The following RHBDL2 variants were observed in gnomAD, a reference collection of about 807,000 sequenced individuals.
The protein encoded by RHBDL2 is rhomboid like 2, also known as rhomboid-related protein 2.
A neutral mutation model predicts 31.7 loss-of-function variants in RHBDL2; 26 were observed. The observed-to-expected ratio is 0.82, with a 90% CI of 0.60 to 1.14. The LOEUF (loss-of-function observed/expected upper bound fraction) is 1.14, where lower values mean the gene tolerates loss of function less well. Among genes scored for constraint, RHBDL2 ranks in the 50% most tolerant of loss-of-function variants. The pLI is 0.00. For missense variants in RHBDL2, 336 were observed against 364.4 expected (o/e 0.92, Z 0.63); for synonymous variants, 123 against 127.2 (o/e 0.97, Z 0.22).
rs549235279 is a variant in RHBDL2, at chr1:38,919,449, T to C, written c.-125-112A>G. The C allele has an allele frequency of 2.4e-5, 25 of 1,024,292 alleles. No individual in the cohort carries two copies. The African/African-American group carries it at 3.9e-4, about 16-fold the overall frequency. 63.5% of individuals were successfully genotyped at this position (1,024,292 alleles called of 1,614,324 possible). ...TTTAAAAAGAGCCAGATGACTGAGATTAAAATGCAGCTCTACCATGTATCA... is the reference window on the plus strand; with the variant it reads ...TTTAAAAAGAGCCAGATGACTGAGACTAAAATGCAGCTCTACCATGTATCA... On this transcript the variant is annotated intron_variant, in intron 1 of 7. Coordinates refer to ENST00000372990, the MANE Select transcript of RHBDL2 (RefSeq NM_017821.5).
At chr1:38,890,702 A>C (rs551705242) in intron 6 of RHBDL2, among the ~76,000 whole-genome samples, 2 of 150,482 alleles carry the variant, frequency 1.3e-5, no homozygotes, top group Admixed American at 6.6e-5. Flanking sequence ...TTGCCTTCAT[A>C]TGGATTTTTT....
chr1:38,939,778 G>T (rs532922388), intron 1 of RHBDL2, among the ~76,000 whole-genome samples: 1 of 152,164 alleles, frequency 6.6e-6, no homozygotes, highest in Non-Finnish European at 1.5e-5. Flanking sequence ...CTGGACTCAA[G>T]CAATTCTCCC....
At chr1:38,904,508 C>G (rs1643036070) in intron 4 of RHBDL2, among the ~76,000 whole-genome samples, 2 of 150,960 alleles carry the variant, frequency 1.3e-5, no homozygotes, top group Admixed American at 6.6e-5. Flanking sequence ...TGATATGACA[C>G]TAAAAGCCAC....
chr1:38,896,244 G>T (rs1251882413), intron 4 of RHBDL2, among the ~76,000 whole-genome samples, 175 bp from the exon 5 acceptor site: 2 of 152,152 alleles, frequency 1.3e-5, no homozygotes, highest in Non-Finnish European at 2.9e-5. Context: ...AACTACCACA[G>T]TGTTTCTGAA....
At chr1:38,888,800 T>C (rs1486084840) in intron 6 of RHBDL2, among the ~76,000 whole-genome samples, 1 of 151,888 alleles carries the variant, frequency 6.6e-6, no homozygotes, top group African/African-American at 2.4e-5. Flanking sequence ...CTTTCTGTTT[T>C]TGTTTTTGTT....
chr1:38,918,957 C>T lies in RHBDL2; in HGVS notation c.246+10G>A, dbSNP rs767932752. ...CACTTACCCCGGTGCCCACCCCGCT[C>T]CCCATTCACCTCGGCCAGGCTGATG... On this transcript the variant is annotated intron_variant, in intron 2 of 7. Coordinates refer to ENST00000372990, the MANE Select transcript of RHBDL2 (RefSeq NM_017821.5). The T allele has an allele frequency of 3.1e-6, 5 of 1,608,596 alleles. No individual in the cohort carries two copies. The highest frequency in any genetic ancestry group is 4.3e-6 in the Non-Finnish European group (5 of 1,175,912).
Position 38,903,693 on chromosome 1 carries a change from A to AT in RHBDL2, c.509-7625dup, listed in dbSNP as rs1011269321. Reference sequence around the variant, plus strand: ...TTCAATGCAATCCAAATCCCAGCAGATTTTTTTTTAGAAACGCACAAACCA... The same window carrying AT: ...TTCAATGCAATCCAAATCCCAGCAGATTTTTTTTTTAGAAACGCACAAACCA... On this transcript the variant is annotated intron_variant, in intron 4 of 7. Coordinates refer to ENST00000372990, the MANE Select transcript of RHBDL2 (RefSeq NM_017821.5). 7.2e-4 allele frequency among the ~76,000 whole-genome samples: 109 copies of AT among 151,528 alleles called. 1 individual carries two copies. The highest frequency in any genetic ancestry group is 6.2e-4 in the South Asian group (3 of 4,816).
chr1:38,914,566 T>C (rs1363064179), intron 3 of RHBDL2, among the ~76,000 whole-genome samples: 1 of 151,974 alleles, frequency 6.6e-6, no homozygotes, highest in African/African-American at 2.4e-5. Context: ...GTTTGATGTA[T>C]GATGGTGGAG....
At chr1:38,889,433 G>A (rs1188168287) in intron 6 of RHBDL2, among the ~76,000 whole-genome samples, 2 of 152,112 alleles carry the variant, frequency 1.3e-5, no homozygotes, top group Admixed American at 6.6e-5. Flanking sequence ...TGCCATATAG[G>A]AAGTAGACTA....
At chr1:38,895,531 C>T (rs1279669365) in intron 5 of RHBDL2, among the ~76,000 whole-genome samples, 3 of 152,084 alleles carry the variant, frequency 2.0e-5, no homozygotes, top group Non-Finnish European at 2.9e-5. Flanking sequence ...AAGCTAGGTG[C>T]GGCAGCTCAC....
At position 38,913,415 on chromosome 1, in the gene RHBDL2, G is replaced by C. The variant is rs1445260932; in HGVS notation, c.396-1981C>G. On this transcript the variant is annotated intron_variant, in intron 3 of 7. Coordinates refer to ENST00000372990, the MANE Select transcript of RHBDL2 (RefSeq NM_017821.5). ...GTTAAATGGAAACTGAGCAGTTGGTGATTTTGCCCCTGATTTGTCAAGCCT... is the reference window on the plus strand; with the variant it reads ...GTTAAATGGAAACTGAGCAGTTGGTCATTTTGCCCCTGATTTGTCAAGCCT... 4 of 152,272 alleles carry C rather than the reference G, an allele frequency of 2.6e-5. No homozygotes were observed. The East Asian group carries it at 7.7e-4, about 29-fold the overall frequency. The allele number at this position is 152,272 out of a possible 1,614,324, so 9.4% of individuals were successfully genotyped here.
chr1:38,940,307 G>T (rs1392052637), intron 1 of RHBDL2, among the ~76,000 whole-genome samples: 1 of 152,188 alleles, frequency 6.6e-6, no homozygotes, highest in Non-Finnish European at 1.5e-5. Flanking sequence ...CCCTGGTCCA[G>T]TATTTTTACC....
chr1:38,919,836 A>C (rs1643287982), intron 1 of RHBDL2, among the ~76,000 whole-genome samples: 1 of 152,152 alleles, frequency 6.6e-6, no homozygotes, highest in African/African-American at 2.4e-5. Context: ...GGCCTCCCAA[A>C]GTGCTGGGAT....
chr1:38,888,358 G>C (rs1410305973), intron 6 of RHBDL2, among the ~76,000 whole-genome samples: 2 of 152,044 alleles, frequency 1.3e-5, no homozygotes, highest in East Asian at 3.9e-4. Flanking sequence ...GGGTATGTGG[G>C]GGGGTGATTG....
intron 1 of RHBDL2, 52 bp downstream of exon 1, chr1:38,941,630 C>A (rs1194144516): frequency 6.5e-6 from 1 of 152,966 alleles, no homozygotes; most frequent in East Asian, 1.9e-4. Context: ...GCTGCCGCCC[C>A]CTTGTCCTGA....
chr1:38,897,707 C>T (rs185091731), intron 4 of RHBDL2, among the ~76,000 whole-genome samples: 5 of 151,984 alleles, frequency 3.3e-5, no homozygotes, highest in Non-Finnish European at 5.9e-5. Context: ...AGAGGAAGAC[C>T]TCTCCCCTCA....
rs534833604 is a variant in RHBDL2 at position 38,922,261 on chromosome 1, T to C, written c.-125-2924A>G. On this transcript the variant is annotated intron_variant, in intron 1 of 7. Coordinates refer to ENST00000372990, the MANE Select transcript of RHBDL2 (RefSeq NM_017821.5). ...CACATTACTAGCAATTAGAAACATT[T>C]GGGGTTTTTTTATTTAATTTTTTTG... Among the ~76,000 whole-genome samples, 65 of 148,296 alleles carry C rather than the reference T, an allele frequency of 4.4e-4. 1 individual carries two copies. Among genetic ancestry groups the C allele is most frequent in the East Asian group, 3.1e-3 (16 of 5,088 alleles).
chr1:38,899,305 A>T (rs748279117), intron 4 of RHBDL2, among the ~76,000 whole-genome samples: 2 of 152,190 alleles, frequency 1.3e-5, no homozygotes, highest in Non-Finnish European at 2.9e-5. Flanking sequence ...GGGGCCAGGC[A>T]ATCAGGGGCA....
In RHBDL2 at chr1:38,937,921, G is replaced by A. The variant is rs116266160; in HGVS notation, c.-126+3761C>T. On this transcript the variant is annotated intron_variant, in intron 1 of 7. Transcript: ENST00000372990. ...AGACTAATTTTCATAGATAGGTGGG[G>A]ACCCATCAGGCCTGAAAACCTTGGC... Among the ~76,000 whole-genome samples the A allele has an allele frequency of 6.9e-3, 1,057 of 152,188 alleles. 14 individuals carry two copies. The highest frequency in any genetic ancestry group is 0.025 in the African/African-American group (1,024 of 41,528).
Sources: allele counts gnomAD v4.1 joint callset (sites outside exome capture counted in the v4.1 genomes callset), GRCh38; gene constraint gnomAD v4.1.1; transcripts MANE v1.5; gene names NCBI Gene and HGNC (gene_info 2026-07-23, HGNC 2026-07-21).